PHF3: variants seen among roughly 807,000 people sequenced by gnomAD.
PHF3 encodes PHD finger protein 3.
Under a neutral mutation model 178.4 loss-of-function variants are expected in PHF3, and 41 were observed. The ratio of observed to expected loss-of-function variants is 0.23; its 90% CI spans 0.18 to 0.30. The LOEUF (loss-of-function observed/expected upper bound fraction) is 0.30. Among genes scored for constraint, PHF3 ranks in the 10% least tolerant of loss-of-function variants. The pLI, the probability that PHF3 is intolerant of heterozygous loss-of-function variation, is 1.00. For synonymous variants in PHF3, 842 were observed against 800.5 expected (o/e 1.05, Z -0.88); for missense variants, 2,346 against 2,398.1 (o/e 0.98, Z 0.45).
intron 14 of PHF3, among the ~76,000 whole-genome samples, chr6:63,709,570 C>T (rs1392475531): frequency 6.6e-6 from 1 of 151,986 alleles, no homozygotes; most frequent in Non-Finnish European, 1.5e-5. Flanking sequence ...CACAGCTAAG[C>T]TATTGCAAAA....
intron 2 of PHF3, among the ~76,000 whole-genome samples, chr6:63,670,388 C>G (rs1241949955): frequency 6.6e-6 from 1 of 152,172 alleles, no homozygotes; most frequent in Non-Finnish European, 1.5e-5. Flanking sequence ...CCTGCCTCAA[C>G]CTCCCAAGTA....
chr6:63,686,266 A>G (rs1020902226), intron 4 of PHF3: 3 of 198,578 alleles, frequency 1.5e-5, no homozygotes, highest in African/African-American at 6.9e-5. Flanking sequence ...TGTAAGTTAT[A>G]TATTAATTCA....
intron 2 of PHF3, among the ~76,000 whole-genome samples, chr6:63,653,497 T>G (rs116677323): frequency 0.012 from 1,786 of 152,286 alleles, 29 homozygotes; most frequent in African/African-American, 0.041. Flanking sequence ...CTAGTTTATT[T>G]TGGTATATAG....
At chr6:63,643,141 C>T (rs1174433505) in intron 1 of PHF3, among the ~76,000 whole-genome samples, 1 of 151,904 alleles carries the variant, frequency 6.6e-6, no homozygotes, top group Non-Finnish European at 1.5e-5. Context: ...TGTCCCTTTT[C>T]TGTTCCATGA....
In PHF3 at chr6:63,711,266, G is replaced by A; in HGVS notation, c.3901G>A (p.Ala1301Thr). Residue 1301 changes from alanine (A) to threonine (T), a missense_variant, in exon 15 of 16, where the codon GCT becomes ACT. Physicochemically the swap from Ala to Thr is moderately conservative, Grantham distance 58 (BLOSUM62 0). This residue lies in a region of PHF3 where 90 missense variants were observed against 136.6 expected (regional missense o/e 0.66). Transcript: ENST00000262043. ...YFSSRKRYGV[A>T]ANNMKQVKDM... is the part of the protein sequence containing the mutation. ...CAGTAGCAGAAAGCGCTATGGAGTA[G>A]CTGCTAACAACATGAAGCAGGTTAA... The A allele has an allele frequency of 6.2e-7, 1 of 1,613,504 alleles. No homozygotes were observed. The highest frequency in any genetic ancestry group is 1.3e-5 in the African/African-American group (1 of 75,042).
chr6:63,658,082 G>A (rs1345287139), intron 2 of PHF3, among the ~76,000 whole-genome samples: 1 of 152,126 alleles, frequency 6.6e-6, no homozygotes, highest in African/African-American at 2.4e-5. Flanking sequence ...TATTCAAGTA[G>A]GGGAAGAGAT....
chr6:63,706,650 A>T, intron 12 of PHF3, 79 bp from the exon 13 acceptor site: 1 of 1,397,764 alleles, frequency 7.2e-7, no homozygotes. Context: ...CACATGCTAA[A>T]ATACGAGTAA....
chr6:63,706,223 C>T lies in PHF3; in HGVS notation c.3562C>T (p.Arg1188Cys), dbSNP rs375919837. Residue 1188 changes from arginine to cysteine, a missense_variant and splice_region_variant, in exon 12 of 16, where the codon CGT becomes TGT. This residue lies in a region of PHF3 where 205 missense variants were observed against 212.4 expected (regional missense o/e 0.97). Transcript: ENST00000262043. ...SPKSTFSPAPRPEMPGTVEVE... is the reference protein window; with the variant it reads ...SPKSTFSPAPCPEMPGTVEVE... ...AAAGTCAACGTTCTCTCCTGCTCCACGGTAATTTTCTCTGTTGTAAATTCT... is the reference window on the plus strand; with the variant it reads ...AAAGTCAACGTTCTCTCCTGCTCCATGGTAATTTTCTCTGTTGTAAATTCT... The T allele has an allele frequency of 1.8e-5, 29 of 1,602,736 alleles. No individual in the cohort carries two copies. The highest frequency in any genetic ancestry group is 1.6e-4 in the East Asian group (7 of 44,788).
Position 63,684,542 on chromosome 6 carries a change from A to T in PHF3, c.820A>T (p.Met274Leu), listed in dbSNP as rs1303786861. 1 of 1,613,670 alleles carries T rather than the reference A, an allele frequency of 6.2e-7. No individual in the cohort carries two copies. Among genetic ancestry groups the T allele is most frequent in the Non-Finnish European group, 8.5e-7 (1 of 1,179,854 alleles). The change falls in exon 4 of 16, where the codon ATG becomes TTG. Residue 274 changes from methionine (M) to leucine (L), a missense_variant. Transcript: ENST00000262043. ...TGGAGAAAAGAAAAATGAAGCTTTGATGGAATGTAAAGCCAAGCCTGTTGG... is the reference window on the plus strand; with the variant it reads ...TGGAGAAAAGAAAAATGAAGCTTTGTTGGAATGTAAAGCCAAGCCTGTTGG... ...TIGEKKNEAL[M>L]ECKAKPVGSP...
In PHF3 at chr6:63,703,887, A is replaced by G. The variant is rs373416311; in HGVS notation, c.3367+216A>G. 1.1e-3 allele frequency among the ~76,000 whole-genome samples: 161 copies of G among 152,320 alleles called. 1 individual carries two copies. Among genetic ancestry groups the G allele is most frequent in the East Asian group, 7.5e-3 (39 of 5,188 alleles). ...CTGTCTAGACCTAATTATACTATAT[A>G]TGATTTGAACTTAAAAACTGTTCTT... On this transcript the variant is annotated intron_variant, in intron 11 of 15. Coordinates refer to ENST00000262043, the MANE Select transcript of PHF3 (RefSeq NM_001370348.2).
chr6:63,694,492 C>T, intron 5 of PHF3, 89 bp from the exon 6 acceptor site: 2 of 894,806 alleles, frequency 2.2e-6, no homozygotes, highest in South Asian at 5.2e-5. Context: ...TCTCATTTTA[C>T]TAATAATCAA....
intron 4 of PHF3, among the ~76,000 whole-genome samples, 154 bp from the exon 5 acceptor site, chr6:63,691,583 A>G (rs1259755731): frequency 6.6e-6 from 1 of 152,080 alleles, no homozygotes; most frequent in Non-Finnish European, 1.5e-5. Flanking sequence ...TTCTTTGAAA[A>G]CTTGCTGTAT....
Position 63,706,234 on chromosome 6 carries a change from T to G in PHF3, c.3563+10T>G. 1 of 1,598,836 alleles carries G rather than the reference T, an allele frequency of 6.3e-7. No homozygotes were observed. The highest frequency in any genetic ancestry group is 8.5e-7 in the Non-Finnish European group (1 of 1,171,694). ...TCTCTCCTGCTCCACGGTAATTTTC[T>G]CTGTTGTAAATTCTGTAATACTCAT... On this transcript the variant is annotated intron_variant, in intron 12 of 15. Coordinates refer to ENST00000262043, the MANE Select transcript of PHF3 (RefSeq NM_001370348.2).
intron 2 of PHF3, among the ~76,000 whole-genome samples, chr6:63,655,326 G>A (rs1263817635): frequency 1.3e-5 from 2 of 151,840 alleles, no homozygotes; most frequent in East Asian, 1.9e-4. Context: ...ATCCACCTGC[G>A]TTGGCTTCCC....
intron 2 of PHF3, among the ~76,000 whole-genome samples, chr6:63,664,170 T>C (rs1276350536): frequency 6.6e-6 from 1 of 152,226 alleles, no homozygotes; most frequent in Non-Finnish European, 1.5e-5. Flanking sequence ...CAGTACCTTT[T>C]CCTAGTTCAT....
chr6:63,664,621 T>C (rs1318604407), intron 2 of PHF3, among the ~76,000 whole-genome samples: 3 of 152,154 alleles, frequency 2.0e-5, no homozygotes. Context: ...AGATAAAATA[T>C]TTATACTTTT....
intron 1 of PHF3, among the ~76,000 whole-genome samples, chr6:63,639,893 A>G (rs1424750884): frequency 6.6e-6 from 1 of 152,162 alleles, no homozygotes; most frequent in Non-Finnish European, 1.5e-5. Flanking sequence ...AATGCTTATA[A>G]TGTCAGTTAT....
In PHF3 at chr6:63,713,216, A is replaced by G. The variant is rs749177977; in HGVS notation, c.5628A>G (p.Ser1876=). 6.2e-7 allele frequency: 1 copy of G among 1,613,854 alleles called. No individual in the cohort carries two copies. The highest frequency in any genetic ancestry group is 1.3e-5 in the African/African-American group (1 of 74,870). ...TGATGGGTCCTCTCTCACAAGCATC[A>G]AGGTATATAGGCCCGCAGAATTTTT... ...QRMMGPLSQA[S]RYIGPQNFYQ... The change falls in exon 16 of 16, where the codon TCA becomes TCG. Residue 1876 remains serine, a synonymous_variant. Coordinates refer to ENST00000262043, the MANE Select transcript of PHF3 (RefSeq NM_001370348.2).
In PHF3 at chr6:63,680,066, A is replaced by G. The variant is rs1422804234; in HGVS notation, c.311A>G (p.Glu104Gly). Residue 104 changes from glutamate (E) to glycine (G), a missense_variant, in exon 3 of 16, where the codon GAA (glutamate) becomes GGA (glycine). By Grantham distance (98) the Glu-to-Gly change is moderately conservative. Transcript: ENST00000262043. Reference sequence around the variant, plus strand: ...GAAAGTGGCAATGATACCATTGATGAAGAAGAACTGATTTTACCTAACAGG... The same window carrying G: ...GAAAGTGGCAATGATACCATTGATGGAGAAGAACTGATTTTACCTAACAGG... ...VKESGNDTID[E>G]EELILPNRNL... The G allele has an allele frequency of 1.2e-6, 2 of 1,612,840 alleles. No individual in the cohort carries two copies. Among genetic ancestry groups the G allele is most frequent in the South Asian group, 2.2e-5 (2 of 90,994 alleles).
Sources: allele counts gnomAD v4.1 joint callset (sites outside exome capture counted in the v4.1 genomes callset), GRCh38; gene constraint gnomAD v4.1.1; regional missense constraint gnomAD v4.1.1; transcripts MANE v1.5; gene names NCBI Gene and HGNC (gene_info 2026-07-23, HGNC 2026-07-21).